ELF3: variants seen among roughly 807,000 people sequenced by gnomAD.
The protein encoded by ELF3 is E74 like ETS transcription factor 3, also known as ETS-related transcription factor Elf-3.
Under a neutral mutation model 43.9 loss-of-function variants are expected in ELF3, and 18 were observed. The ratio of observed to expected loss-of-function variants is 0.41; its 90% CI spans 0.28 to 0.61. ELF3 has a LOEUF of 0.61. Among genes scored for constraint, ELF3 ranks in the 20% least tolerant of loss-of-function variants. ELF3 has a pLI of 0.30. For synonymous variants in ELF3, 181 were observed against 190.2 expected (o/e 0.95, Z 0.40); for missense variants, 373 against 487.7 (o/e 0.76, Z 2.21).
Position 202,012,678 on chromosome 1 carries a change from G to A in ELF3, c.517G>A (p.Gly173Ser), listed in dbSNP as rs773345960. The change falls in exon 5 of 9, where the codon GGT becomes AGT. Residue 173 changes from glycine (G) to serine (S), a missense_variant. By Grantham distance (56) the Gly-to-Ser change is moderately conservative. Transcript: ENST00000367284. The surrounding 1 kb of genome is among the most constrained non-coding windows in gnomAD (Gnocchi z 4.2). ...CTTTGCCCAGGAGCTGCTGGACGAC[G>A]GTCAGCAAGCCAGCCCCTACCACCC... ...SPFAQELLDD[G>S]QQASPYHPGS... 54 of 1,609,070 alleles carry A rather than the reference G, an allele frequency of 3.4e-5. No homozygotes were observed. Among genetic ancestry groups the A allele is most frequent in the Middle Eastern group, 1.6e-4 (1 of 6,062 alleles).
Position 202,012,476 on chromosome 1 carries a change from G to T in ELF3, c.478+40G>T. The T allele has an allele frequency of 6.2e-7, 1 of 1,608,562 alleles. No homozygotes were observed. The highest frequency in any genetic ancestry group is 8.5e-7 in the Non-Finnish European group (1 of 1,177,202). On this transcript the variant is annotated intron_variant, in intron 4 of 8. Transcript: ENST00000367284. The surrounding 1 kb of genome is among the most constrained non-coding windows in gnomAD (Gnocchi z 4.2). Reference sequence around the variant, plus strand: ...TCTCCTTCCTTCCCCAGCCTGTCTTGTCCCATCCCTGCCCCTCCACAGAGT... The same window carrying T: ...TCTCCTTCCTTCCCCAGCCTGTCTTTTCCCATCCCTGCCCCTCCACAGAGT...
At position 202,012,735 on chromosome 1, in the gene ELF3, G is replaced by A. The variant is rs774203623; in HGVS notation, c.574G>A (p.Gly192Ser). 1.1e-5 allele frequency: 17 copies of A among 1,581,206 alleles called. No homozygotes were observed. The highest frequency in any genetic ancestry group is 1.4e-5 in the Non-Finnish European group (16 of 1,165,678). ...GSCGAGAPSP[G>S]SSDVSTAGTG... is the part of the protein sequence containing the mutation. Reference sequence around the variant, plus strand: ...CTGTGGCGCAGGAGCCCCCTCCCCTGGCAGCTCTGACGTCTCCACCGCAGG... The same window carrying A: ...CTGTGGCGCAGGAGCCCCCTCCCCTAGCAGCTCTGACGTCTCCACCGCAGG... Residue 192 changes from glycine to serine, a missense_variant, in exon 5 of 9, where the codon GGC becomes AGC. This residue lies in a region of ELF3 where 311 missense variants were observed against 351.2 expected (regional missense o/e 0.89). Coordinates refer to ENST00000367284, the MANE Select transcript of ELF3 (RefSeq NM_004433.5). The surrounding 1 kb of genome is among the most constrained non-coding windows in gnomAD (Gnocchi z 4.2).
intron 8 of ELF3, chr1:202,014,845 T>C: frequency 4.8e-6 from 1 of 208,242 alleles, no homozygotes; most frequent in Non-Finnish European, 1.0e-5. Context: ...TGACCTCAAG[T>C]GATCCGCCCG....
In ELF3 at chr1:202,015,453, T is replaced by C; in HGVS notation, c.*130T>C. The C allele has an allele frequency of 5.7e-6, 5 of 874,470 alleles. No homozygotes were observed. Among genetic ancestry groups the C allele is most frequent in the Non-Finnish European group, 8.9e-6 (5 of 563,838 alleles). 54.2% of individuals were successfully genotyped at this position (874,470 alleles called of 1,614,324 possible). ...CAGCTGTGCTGTGGAGAGAAGCTGA[T>C]GTTTTGGTGTATTGTCAGCCATCGT... On this transcript the variant is annotated 3_prime_UTR_variant, in exon 9 of 9. Coordinates refer to ENST00000367284, the MANE Select transcript of ELF3 (RefSeq NM_004433.5).
intron 1 of ELF3, 120 bp from the exon 2 acceptor site, chr1:202,011,009 T>G: frequency 1.8e-6 from 2 of 1,122,136 alleles, no homozygotes; most frequent in Non-Finnish European, 2.6e-6. Context: ...GCAGAGTTGC[T>G]GATCTTCCTG....
In ELF3 at chr1:202,013,830, GC is replaced by G. The variant is rs1684262580; in HGVS notation, c.810del (p.Arg271GlufsTer23). The G allele has an allele frequency of 6.2e-7, 1 of 1,609,790 alleles. No individual in the cohort carries two copies. Among genetic ancestry groups the G allele is most frequent in the Admixed American group, 1.7e-5 (1 of 59,740 alleles). On this transcript the variant is annotated frameshift_variant and splice_region_variant, in exon 8 of 9. Transcript: ENST00000367284. LOFTEE classifies it high-confidence loss of function. The surrounding 1 kb of genome is among the most constrained non-coding windows in gnomAD (Gnocchi z 5.7). ...CLEGKKSKHA[P>X]RGTHLWEFIR... Reference sequence around the variant, plus strand: ...AACTGATGGAGGCTGGCCTTGCAGCGCCCAGAGGCACCCACCTGTGGGAGTT... The same window carrying G: ...AACTGATGGAGGCTGGCCTTGCAGCGCCAGAGGCACCCACCTGTGGGAGTT...
chr1:202,012,162 C>T lies in ELF3; in HGVS notation c.369C>T (p.Ala123=), dbSNP rs751594478. The part of the protein sequence containing the change: ...VFGPLGDQLH[A]QLRDLTSSSS... ...GGCCTCTGGGGGACCAACTCCATGCCCAGCTGCGAGACCTCAGTGAGTCCA... is the reference window on the plus strand; with the variant it reads ...GGCCTCTGGGGGACCAACTCCATGCTCAGCTGCGAGACCTCAGTGAGTCCA... Residue 123 remains alanine, a synonymous_variant, in exon 3 of 9, where the codon GCC becomes GCT. Coordinates refer to ENST00000367284, the MANE Select transcript of ELF3 (RefSeq NM_004433.5). The surrounding 1 kb of genome is among the most constrained non-coding windows in gnomAD (Gnocchi z 4.2). The T allele has an allele frequency of 5.0e-6, 8 of 1,613,432 alleles. No individual in the cohort carries two copies. Among genetic ancestry groups the T allele is most frequent in the Non-Finnish European group, 6.8e-6 (8 of 1,179,982 alleles).
intron 2 of ELF3, 158 bp from the exon 3 acceptor site, chr1:202,011,799 C>G (rs1684202790): frequency 1.5e-6 from 1 of 689,646 alleles, no homozygotes; most frequent in Non-Finnish European, 2.4e-6. Context: ...ATCGCTTGAA[C>G]CTGGGAGGTG....
At chr1:202,014,639 G>A (rs1043617673) in intron 8 of ELF3, among the ~76,000 whole-genome samples, 2 of 151,360 alleles carry the variant, frequency 1.3e-5, no homozygotes, top group Non-Finnish European at 2.9e-5. Context: ...ACAGGGTCTC[G>A]CTCTGTCACC....
At position 202,015,410 on chromosome 1, in the gene ELF3, T is replaced by C. The variant is rs978794802; in HGVS notation, c.*87T>C. 7.9e-7 allele frequency: 1 copy of C among 1,270,042 alleles called. No homozygotes were observed. The highest frequency in any genetic ancestry group is 1.5e-5 in the African/African-American group (1 of 67,982). 78.7% of individuals were successfully genotyped at this position (1,270,042 alleles called of 1,614,324 possible). On this transcript the variant is annotated 3_prime_UTR_variant, in exon 9 of 9. Coordinates refer to ENST00000367284, the MANE Select transcript of ELF3 (RefSeq NM_004433.5). ...GAGGACAGGCAGGCCAGATGGCCCC[T>C]CCACTGGGGAATGCTCCCAGCTGTG...
Position 202,015,569 on chromosome 1 carries a change from G to T in ELF3, c.*246G>T. The T allele has an allele frequency of 2.0e-6, 1 of 510,616 alleles. No individual in the cohort carries two copies. Among genetic ancestry groups the T allele is most frequent in the South Asian group, 2.1e-5 (1 of 46,542 alleles). The allele number at this position is 510,616 out of a possible 1,614,324, so 31.6% of individuals were successfully genotyped here. The stretch of plus-strand genomic sequence containing the variant: ...TGAAGCTGACTTTATAGCTGCAAGT[G>T]TATCTCCTTTTATCTGGTGCCTCCT... On this transcript the variant is annotated 3_prime_UTR_variant, in exon 9 of 9. Coordinates refer to ENST00000367284, the MANE Select transcript of ELF3 (RefSeq NM_004433.5).
rs577036691 is a variant in ELF3, at chr1:202,012,938, G to C, written c.599-9G>C. On this transcript the variant is annotated splice_polypyrimidine_tract_variant and intron_variant, in intron 5 of 8. Coordinates refer to ENST00000367284, the MANE Select transcript of ELF3 (RefSeq NM_004433.5). The surrounding 1 kb of genome is among the most constrained non-coding windows in gnomAD (Gnocchi z 4.2). ...CCGGCAGGGGACTTACTCTGACCCC[G>C]CCCCCCAGGGACTGGTGCTTCTCGG... 1.0e-5 allele frequency: 16 copies of C among 1,604,618 alleles called. No homozygotes were observed. The East Asian group carries it at 3.3e-4, about 34-fold the overall frequency.
Position 202,013,258 on chromosome 1 carries a change from A to C in ELF3, c.765A>C (p.Lys255Asn). The change falls in exon 7 of 9, where the codon AAA (lysine) becomes AAC (asparagine). Residue 255 changes from lysine (K) to asparagine (N), a missense_variant. Lys to Asn is a moderately conservative substitution (Grantham distance 94, BLOSUM62 0). Coordinates refer to ENST00000367284, the MANE Select transcript of ELF3 (RefSeq NM_004433.5). The surrounding 1 kb of genome is among the most constrained non-coding windows in gnomAD (Gnocchi z 5.7). ...GAGGCCGGCCCCGAAAGCTGAGCAA[A>C]GAGTACTGGGACTGTCTCGAGGGCA... ...RKRGRPRKLS[K>N]EYWDCLEGKK... 6.2e-7 allele frequency: 1 copy of C among 1,614,170 alleles called. No individual in the cohort carries two copies. Among genetic ancestry groups the C allele is most frequent in the Non-Finnish European group, 8.5e-7 (1 of 1,180,034 alleles).
chr1:202,012,284 CAG>C lies in ELF3; in HGVS notation c.386-53_386-52del, dbSNP rs1684219267. ...TGGAGCTCTGGGCCAGCTGCACAGCCAGAGAGAGCCCTTGAGGGAGGGATTAG... is the reference window on the plus strand; with the variant it reads ...TGGAGCTCTGGGCCAGCTGCACAGCCAGAGAGCCCTTGAGGGAGGGATTAG... On this transcript the variant is annotated intron_variant, in intron 3 of 8. Transcript: ENST00000367284. The surrounding 1 kb of genome is among the most constrained non-coding windows in gnomAD (Gnocchi z 4.2). The C allele has an allele frequency of 6.2e-6, 10 of 1,608,922 alleles. No homozygotes were observed. The highest frequency in any genetic ancestry group is 4.4e-5 in the South Asian group (4 of 90,634).
Position 202,012,635 on chromosome 1 carries a change from C to T in ELF3, c.479-5C>T. 1 of 1,588,522 alleles carries T rather than the reference C, an allele frequency of 6.3e-7. No homozygotes were observed. The highest frequency in any genetic ancestry group is 8.6e-7 in the Non-Finnish European group (1 of 1,166,650). On this transcript the variant is annotated splice_region_variant and splice_polypyrimidine_tract_variant and intron_variant, in intron 4 of 8. Transcript: ENST00000367284. This position sits in a 1 kb window ranked among gnomAD's most constrained non-coding sequence, Gnocchi z 4.2. ...CCTCTCTGAGTTCTCACCTCCTCTTCCCAGACCAGGGCAGCCCCTTTGCCC... is the reference window on the plus strand; with the variant it reads ...CCTCTCTGAGTTCTCACCTCCTCTTTCCAGACCAGGGCAGCCCCTTTGCCC...
intron 2 of ELF3, chr1:202,011,670 G>A (rs1005849226): frequency 1.9e-5 from 9 of 475,898 alleles, no homozygotes; most frequent in African/African-American, 5.9e-5. Flanking sequence ...TCAAGAGTTC[G>A]AGACCAGCCT....
At position 202,012,957 on chromosome 1, in the gene ELF3, T is replaced by G; in HGVS notation, c.609T>G (p.Ala203=). 1 of 1,612,088 alleles carries G rather than the reference T, an allele frequency of 6.2e-7. No individual in the cohort carries two copies. Among genetic ancestry groups the G allele is most frequent in the Non-Finnish European group, 8.5e-7 (1 of 1,178,984 alleles). ...GACCCCGCCCCCCAGGGACTGGTGC[T>G]TCTCGGAGCTCCCACTCCTCAGACT... ...SSDVSTAGTG[A]SRSSHSSDSG... The change falls in exon 6 of 9, where the codon GCT becomes GCG. Residue 203 remains alanine, a synonymous_variant. Transcript: ENST00000367284. This position sits in a 1 kb window ranked among gnomAD's most constrained non-coding sequence, Gnocchi z 4.2.
chr1:202,014,507 G>A (rs1036804681), intron 8 of ELF3, among the ~76,000 whole-genome samples: 6 of 152,016 alleles, frequency 3.9e-5, no homozygotes, highest in Non-Finnish European at 5.9e-5. Flanking sequence ...TGGCCAGGCC[G>A]GTCTCAAACT....
chr1:202,012,414 G>T lies in ELF3; in HGVS notation c.456G>T (p.Glu152Asp). 6.2e-7 allele frequency: 1 copy of T among 1,614,086 alleles called. No homozygotes were observed. Among genetic ancestry groups the T allele is most frequent in the Non-Finnish European group, 8.5e-7 (1 of 1,179,994 alleles). ...AGAAGGATGGCATGGCCTTCCAGGA[G>T]GCCCTAGACCCAGGGCCCTTTGGTG... ...LLEKDGMAFQ[E>D]ALDPGPFDQG... is the part of the protein sequence containing the mutation. Residue 152 changes from glutamate to aspartate, a missense_variant, in exon 4 of 9, where the codon GAG (glutamate) becomes GAT (aspartate). Physicochemically the swap from Glu to Asp is conservative, Grantham distance 45. This residue lies in a region of ELF3 where 311 missense variants were observed against 351.2 expected (regional missense o/e 0.89). Transcript: ENST00000367284. This position sits in a 1 kb window ranked among gnomAD's most constrained non-coding sequence, Gnocchi z 4.2.
Sources: allele counts gnomAD v4.1 joint callset (sites outside exome capture counted in the v4.1 genomes callset), GRCh38; gene constraint gnomAD v4.1.1; regional missense constraint gnomAD v4.1.1; non-coding constraint Gnocchi (gnomAD v3.1); transcripts MANE v1.5; gene names NCBI Gene and HGNC (gene_info 2026-07-23, HGNC 2026-07-21).